The following ANKRD12 variants were observed in gnomAD, a reference collection of about 807,000 sequenced individuals.
ANKRD12 encodes the protein ankyrin repeat domain-containing protein 12.
A neutral mutation model predicts 183.4 loss-of-function variants in ANKRD12; 85 were observed. That is an observed-to-expected ratio of 0.46 (90% CI 0.39 to 0.56). The LOEUF (loss-of-function observed/expected upper bound fraction) is 0.56. Among genes scored for constraint, ANKRD12 ranks in the 20% least tolerant of loss-of-function variants. ANKRD12 has a pLI of 0.00. For missense variants in ANKRD12, 2,405 were observed against 2,357.1 expected, an observed-to-expected ratio of 1.02 and a Z score of -0.42; for synonymous variants, 914 against 800.2, an observed-to-expected ratio of 1.14 and a Z score of -2.40.
intron 6 of ANKRD12, among the ~76,000 whole-genome samples, chr18:9,213,996 T>G (rs922856968): frequency 1.3e-5 from 2 of 152,040 alleles, no homozygotes; most frequent in African/African-American, 4.8e-5. Context: ...TTTAATACTT[T>G]TGTCAAATAA....
intron 2 of ANKRD12, among the ~76,000 whole-genome samples, chr18:9,194,847 A>G (rs976984812): frequency 2.0e-5 from 3 of 152,230 alleles, no homozygotes; most frequent in African/African-American, 7.2e-5. Context: ...TACCCAAAAG[A>G]ATATAAATTG....
Position 9,255,394 on chromosome 18 carries a change from CTT to C in ANKRD12, c.2131_2132del (p.Leu711LysfsTer5). On this transcript the variant is annotated frameshift_variant, in exon 9 of 13. Transcript: ENST00000262126. LOFTEE classifies it high-confidence loss of function. ...FFKSDETEDL[F>X]LNMEHESLTL... ...TTAAAAGTGATGAAACTGAAGATCT[CTT>C]TTTAAATATGGAACATGAATCCTTA... is the stretch of plus-strand genomic sequence containing the variant. 2 of 1,590,274 alleles carry C rather than the reference CTT, an allele frequency of 1.3e-6. No individual in the cohort carries two copies. Among genetic ancestry groups the C allele is most frequent in the Non-Finnish European group, 1.7e-6 (2 of 1,173,336 alleles).
intron 8 of ANKRD12, among the ~76,000 whole-genome samples, chr18:9,222,528 TGAA>T (rs2036480542): frequency 6.6e-6 from 1 of 152,020 alleles, no homozygotes; most frequent in South Asian, 2.1e-4. Context: ...TTTACTGTGT[TGAA>T]GAAAGTCGTC....
Position 9,241,720 on chromosome 18 carries a change from C to T in ANKRD12, c.944-12491C>T, listed in dbSNP as rs753145711. On this transcript the variant is annotated intron_variant, in intron 8 of 12. Coordinates refer to ENST00000262126, the MANE Select transcript of ANKRD12 (RefSeq NM_015208.5). Reference sequence around the variant, plus strand: ...TTAGTTTTCCTCCTCTGCTTTCTAACGTATGTGGTGTGCTTTACACACAGA... The same window carrying T: ...TTAGTTTTCCTCCTCTGCTTTCTAATGTATGTGGTGTGCTTTACACACAGA... Among the ~76,000 whole-genome samples, 52 of 152,152 alleles carry T rather than the reference C, an allele frequency of 3.4e-4. 1 individual carries two copies. Among genetic ancestry groups the T allele is most frequent in the Non-Finnish European group, 8.8e-5 (6 of 68,006 alleles).
At chr18:9,179,160 A>G (rs554939178) in intron 1 of ANKRD12, among the ~76,000 whole-genome samples, 1 of 152,334 alleles carries the variant, frequency 6.6e-6, no homozygotes, top group Admixed American at 6.5e-5. Flanking sequence ...TATTAGTTCT[A>G]ATAGCTTCTT....
intron 3 of ANKRD12, among the ~76,000 whole-genome samples, chr18:9,201,342 G>A (rs1400277640): frequency 6.6e-6 from 1 of 152,196 alleles, no homozygotes; most frequent in East Asian, 1.9e-4. Flanking sequence ...CCAAGGGAAA[G>A]CCAAAATCTC....
At chr18:9,235,633 C>G (rs2144924115) in intron 8 of ANKRD12, 2 of 456,230 alleles carry the variant, frequency 4.4e-6, no homozygotes, top group South Asian at 3.1e-5. Context: ...TCTCTTCATC[C>G]TCAGGATCCA....
At chr18:9,278,312 G>A (rs565919538) in intron 11 of ANKRD12, among the ~76,000 whole-genome samples, 61 of 152,134 alleles carry the variant, frequency 4.0e-4, no homozygotes, top group Non-Finnish European at 7.6e-4. Flanking sequence ...TTTTCTTTGG[G>A]TAGAGGCTCA....
intron 1 of ANKRD12, among the ~76,000 whole-genome samples, chr18:9,153,042 C>G (rs2078735544): frequency 6.6e-6 from 1 of 152,100 alleles, no homozygotes; most frequent in Non-Finnish European, 1.5e-5. Context: ...CTATGTTGCC[C>G]AGGCTGGTCT....
At chr18:9,168,540 G>T (rs2032331417) in intron 1 of ANKRD12, among the ~76,000 whole-genome samples, 1 of 152,128 alleles carries the variant, frequency 6.6e-6, no homozygotes, top group African/African-American at 2.4e-5. Context: ...ATAGTAGTTT[G>T]TATTTCTGTG....
At chr18:9,239,492 C>A in intron 8 of ANKRD12, 2 of 1,282,918 alleles carry the variant, frequency 1.6e-6, no homozygotes, top group Non-Finnish European at 2.0e-6. Context: ...TTATTTTCCA[C>A]ATGGTGAATG....
At chr18:9,241,730 G>A (rs2037673566) in intron 8 of ANKRD12, among the ~76,000 whole-genome samples, 1 of 152,168 alleles carries the variant, frequency 6.6e-6, no homozygotes, top group Non-Finnish European at 1.5e-5. Flanking sequence ...CGTATGTGGT[G>A]TGCTTTACAC....
chr18:9,261,644 C>T (rs1231566291), intron 9 of ANKRD12, among the ~76,000 whole-genome samples: 1 of 152,170 alleles, frequency 6.6e-6, no homozygotes, highest in Non-Finnish European at 1.5e-5. Context: ...ATGATGACGA[C>T]GAGAGTAATG....
chr18:9,168,174 AT>A (rs1413261461), intron 1 of ANKRD12, among the ~76,000 whole-genome samples: 4 of 152,246 alleles, frequency 2.6e-5, no homozygotes. Flanking sequence ...TTGGTCTAAA[AT>A]TCTCTTTTTT....
rs1598800307 is a variant in ANKRD12, at chr18:9,281,427, A to C, written c.*301A>C. The C allele has an allele frequency of 5.0e-6, 1 of 199,202 alleles. No individual in the cohort carries two copies. The highest frequency in any genetic ancestry group is 1.3e-4 in the East Asian group (1 of 7,922). 12.3% of individuals were successfully genotyped at this position (199,202 alleles called of 1,614,324 possible). On this transcript the variant is annotated 3_prime_UTR_variant, in exon 13 of 13. Transcript: ENST00000262126. ...TTGAGAATCTGCTAACAGCGCTGGA[A>C]GTTGTTAGCGCTCTAAGTAATAAGA...
intron 1 of ANKRD12, among the ~76,000 whole-genome samples, chr18:9,156,773 A>G (rs1465644764): frequency 6.6e-6 from 1 of 152,228 alleles, no homozygotes; most frequent in East Asian, 1.9e-4. Context: ...ACTCAGCTTT[A>G]AAAAGGAAAG....
At chr18:9,151,294 T>C (rs1170672713) in intron 1 of ANKRD12, among the ~76,000 whole-genome samples, 1 of 152,238 alleles carries the variant, frequency 6.6e-6, no homozygotes, top group African/African-American at 2.4e-5. Context: ...TTAGTGTTTA[T>C]GTCTAATGGT....
intron 8 of ANKRD12, among the ~76,000 whole-genome samples, chr18:9,235,244 T>G (rs2037279124): frequency 1.3e-5 from 2 of 152,214 alleles, no homozygotes; most frequent in African/African-American, 2.4e-5. Flanking sequence ...GATGCATACC[T>G]GATGTCTTAG....
chr18:9,137,399 A>G (rs2078146543), intron 1 of ANKRD12, among the ~76,000 whole-genome samples: 1 of 146,244 alleles, frequency 6.8e-6, no homozygotes, highest in Non-Finnish European at 1.5e-5. Flanking sequence ...CTCCCGGAAC[A>G]TGGCGGGGCC....
Sources: allele counts gnomAD v4.1 joint callset (sites outside exome capture counted in the v4.1 genomes callset), GRCh38; gene constraint gnomAD v4.1.1; transcripts MANE v1.5; gene names NCBI Gene and HGNC (gene_info 2026-07-23, HGNC 2026-07-21).